MERTK: variants seen among roughly 807,000 people sequenced by gnomAD.
MERTK encodes tyrosine-protein kinase Mer.
MERTK carries 69 observed loss-of-function variants against 99.3 expected under a neutral mutation model. The ratio of observed to expected loss-of-function variants is 0.70; its 90% CI spans 0.57 to 0.85. The LOEUF (loss-of-function observed/expected upper bound fraction) is 0.85, where lower values mean the gene tolerates loss of function less well. MERTK is among the 40% of genes least tolerant of loss of function. MERTK has a pLI of 0.00. For synonymous variants in MERTK, 426 were observed against 467.6 expected (o/e 0.91, Z 1.15); for missense variants, 1,125 against 1,249.4 (o/e 0.90, Z 1.50).
chr2:111,959,120 A>C (rs1122970), intron 4 of MERTK, among the ~76,000 whole-genome samples: 36,588 of 152,032 alleles, frequency 0.24, 4,607 homozygotes, highest in Middle Eastern at 0.36. Flanking sequence ...AAATGGGCAT[A>C]TCACTTGGGA....
Position 111,996,899 on chromosome 2 carries a change from G to T in MERTK, c.1451-424G>T, listed in dbSNP as rs550639082. On this transcript the variant is annotated intron_variant, in intron 9 of 18. Coordinates refer to ENST00000295408, the MANE Select transcript of MERTK (RefSeq NM_006343.3). ...CAAACTATTTAACCTACTCTCGATC[G>T]TTTTTTTACAAAGAAATGACACTTT... 1.6e-5 allele frequency: 4 copies of T among 250,112 alleles called. No individual in the cohort carries two copies. The South Asian group carries it at 1.9e-4, about 12-fold the overall frequency. The allele number at this position is 250,112 out of a possible 1,614,324, so 15.5% of individuals were successfully genotyped here.
At chr2:111,987,659 G>A (rs527600316) in intron 8 of MERTK, among the ~76,000 whole-genome samples, 89 of 152,272 alleles carry the variant, frequency 5.8e-4, no homozygotes, top group Middle Eastern at 3.4e-3. Flanking sequence ...TTCCCGTAAA[G>A]TGTCAGTGGA....
chr2:112,028,380 C>T lies in MERTK; in HGVS notation c.2516C>T (p.Thr839Ile). The T allele has an allele frequency of 6.2e-7, 1 of 1,614,170 alleles. No homozygotes were observed. The highest frequency in any genetic ancestry group is 8.5e-7 in the Non-Finnish European group (1 of 1,180,030). The part of the protein sequence containing the change: ...LYEIMYSCWR[T>I]DPLDRPTFSV... ...GAAATAATGTACTCTTGCTGGAGAA[C>T]CGATCCCTTAGACCGCCCCACCTTT... is the stretch of plus-strand genomic sequence containing the variant. The change falls in exon 19 of 19, where the codon ACC becomes ATC. Residue 839 changes from threonine (T) to isoleucine (I), a missense_variant. Physicochemically the swap from Thr to Ile is moderately conservative, Grantham distance 89. Transcript: ENST00000295408.
At chr2:112,022,218 G>A in intron 17 of MERTK, 40 bp from the exon 18 acceptor site, 1 of 1,614,134 alleles carries the variant, frequency 6.2e-7, no homozygotes, top group East Asian at 2.2e-5. Context: ...AGGCTTTGTG[G>A]AAAGGCTTGC....
intron 1 of MERTK, among the ~76,000 whole-genome samples, chr2:111,911,390 TTTTC>T (rs1449043575): frequency 1.3e-5 from 2 of 152,200 alleles, no homozygotes; most frequent in East Asian, 1.9e-4. Flanking sequence ...TGTTTTTTTG[TTTTC>T]TTTCTTTTTT....
intron 18 of MERTK, among the ~76,000 whole-genome samples, chr2:112,025,337 G>C (rs1677441991): frequency 6.6e-6 from 1 of 152,126 alleles, no homozygotes; most frequent in South Asian, 2.1e-4. Flanking sequence ...GCCCATCCCA[G>C]CACCACCCTC....
At chr2:111,960,792 G>C (rs1177163135) in intron 4 of MERTK, among the ~76,000 whole-genome samples, 3 of 151,684 alleles carry the variant, frequency 2.0e-5, no homozygotes, top group Non-Finnish European at 4.4e-5. Flanking sequence ...CGTTACAGTG[G>C]GTGTTGGTGT....
rs564006038 is a variant in MERTK at position 111,924,384 on chromosome 2, G to A, written c.62-4736G>A. On this transcript the variant is annotated intron_variant, in intron 1 of 18. Coordinates refer to ENST00000295408, the MANE Select transcript of MERTK (RefSeq NM_006343.3). ...GAGAACTCTCCTTTATGCCAGGATC[G>A]CATCTTTCCTCAATATCTGGTGTCA... 7.2e-5 allele frequency among the ~76,000 whole-genome samples: 11 copies of A among 152,230 alleles called. No individual in the cohort carries two copies. In the South Asian group the frequency reaches 8.3e-4, roughly 11 times the overall value.
intron 2 of MERTK, among the ~76,000 whole-genome samples, chr2:111,929,853 G>A (rs56374282): frequency 0.034 from 5,224 of 151,842 alleles, 110 homozygotes; most frequent in Non-Finnish European, 0.052. Flanking sequence ...CGGCCACCTA[G>A]GCCTCCCAAA....
chr2:111,973,121 G>A (rs987239303), intron 6 of MERTK, among the ~76,000 whole-genome samples: 2 of 152,120 alleles, frequency 1.3e-5, no homozygotes, highest in Admixed American at 6.5e-5. Context: ...CTTCATGCCT[G>A]TTTTCCCTGA....
At chr2:112,002,190 A>G (rs946278598) in intron 11 of MERTK, among the ~76,000 whole-genome samples, 4 of 151,932 alleles carry the variant, frequency 2.6e-5, no homozygotes, top group African/African-American at 9.7e-5. Context: ...TGCCAACATG[A>G]CTCATCTATT....
intron 18 of MERTK, 153 bp from the exon 19 acceptor site, chr2:112,028,198 T>A: frequency 1.2e-6 from 1 of 829,860 alleles, no homozygotes; most frequent in Non-Finnish European, 1.9e-6. Flanking sequence ...GTTGTATAAA[T>A]ATTAGGCCAC....
intron 15 of MERTK, among the ~76,000 whole-genome samples, chr2:112,016,723 C>T (rs930544495): frequency 6.6e-6 from 1 of 152,204 alleles, no homozygotes; most frequent in Non-Finnish European, 1.5e-5. Context: ...ACATATGCAT[C>T]ACACAGTGAT....
chr2:112,021,472 A>T lies in MERTK; in HGVS notation c.2240A>T (p.Lys747Met), dbSNP rs1349284379. The T allele has an allele frequency of 2.5e-6, 4 of 1,613,778 alleles. No homozygotes were observed. The highest frequency in any genetic ancestry group is 3.3e-5 in the Admixed American group (2 of 59,980). The change falls in exon 17 of 19, where the codon AAG becomes ATG. Residue 747 changes from lysine to methionine, a missense_variant. Transcript: ENST00000295408. The stretch of plus-strand genomic sequence containing the variant: ...GTTGCGGACTTCGGCCTCTCTAAGA[A>T]GATTTACAGTGGCGATTATTACCGC... ...VCVADFGLSK[K>M]IYSGDYYRQG...
intron 16 of MERTK, among the ~76,000 whole-genome samples, chr2:112,020,167 T>C (rs998389567): frequency 9.2e-5 from 14 of 152,274 alleles, no homozygotes; most frequent in Non-Finnish European, 1.8e-4. Flanking sequence ...CAATGGGGCC[T>C]GCCCCCTCCC....
chr2:111,997,651 G>C (rs1676778263), intron 10 of MERTK, among the ~76,000 whole-genome samples, 175 bp downstream of exon 10: 1 of 152,226 alleles, frequency 6.6e-6, no homozygotes, highest in African/African-American at 2.4e-5. Flanking sequence ...TACAGAAGCA[G>C]CTGCCAGCAA....
Position 112,003,164 on chromosome 2 carries a change from T to A in MERTK, c.1763T>A (p.Ile588Asn). 3 of 1,593,012 alleles carry A rather than the reference T, an allele frequency of 1.9e-6. No homozygotes were observed. The highest frequency in any genetic ancestry group is 2.6e-6 in the Non-Finnish European group (3 of 1,161,186). Residue 588 changes from isoleucine (I) to asparagine (N), a missense_variant, in exon 12 of 19, where the codon ATT becomes AAT. Coordinates refer to ENST00000295408, the MANE Select transcript of MERTK (RefSeq NM_006343.3). ...EDVVIDRNLL[I>N]LGKILGEGEF... ...GTTGTGATTGACAGGAATCTTCTAA[T>A]TCTTGGAAAAATTCTGGGTGAAGGT...
chr2:111,987,158 CATTATA>C (rs1337549853), intron 8 of MERTK, among the ~76,000 whole-genome samples: 2 of 152,194 alleles, frequency 1.3e-5, no homozygotes, highest in African/African-American at 4.8e-5. Context: ...AGATATTTCT[CATTATA>C]ACTGTAATTA....
chr2:111,965,409 A>G (rs1685341866), intron 5 of MERTK, 132 bp downstream of exon 5: 1 of 828,566 alleles, frequency 1.2e-6, no homozygotes, highest in Non-Finnish European at 2.0e-6. Context: ...ACCTTGGACA[A>G]CTCACTTCTC....
Sources: allele counts gnomAD v4.1 joint callset (sites outside exome capture counted in the v4.1 genomes callset), GRCh38; gene constraint gnomAD v4.1.1; transcripts MANE v1.5; gene names NCBI Gene and HGNC (gene_info 2026-07-23, HGNC 2026-07-21).